Variants in MTA1 observed in about 807,000 individuals in gnomAD.
The protein encoded by MTA1 is metastasis-associated protein MTA1.
A neutral mutation model predicts 97.0 loss-of-function variants in MTA1; 15 were observed. The ratio of observed to expected loss-of-function variants is 0.15; its 90% CI spans 0.10 to 0.24. The LOEUF (loss-of-function observed/expected upper bound fraction) is 0.24, where lower values mean the gene tolerates loss of function less well. MTA1 is among the 10% of genes least tolerant of loss of function. The pLI, the probability that MTA1 is intolerant of heterozygous loss-of-function variation, is 1.00. For synonymous variants in MTA1, 435 were observed against 417.5 expected, an observed-to-expected ratio of 1.04 and a Z score of -0.51; for missense variants, 709 against 1,015.1, an observed-to-expected ratio of 0.70 and a Z score of 4.10.
At position 105,463,362 on chromosome 14, in the gene MTA1, G is replaced by T; in HGVS notation, c.1017+104G>T. On this transcript the variant is annotated intron_variant, in intron 11 of 20. Transcript: ENST00000331320. The surrounding 1 kb of genome is among the most constrained non-coding windows in gnomAD (Gnocchi z 5.9). ...TGCACTGCTGCAGCAGGAGGGGAAG[G>T]AAGACTCCTGAGTCCCTGGCCCGGC... The T allele has an allele frequency of 1.3e-6, 2 of 1,499,048 alleles. No homozygotes were observed. Among genetic ancestry groups the T allele is most frequent in the Non-Finnish European group, 9.3e-7 (1 of 1,080,148 alleles). The allele number at this position is 1,499,048 out of a possible 1,614,324, so 92.9% of individuals were successfully genotyped here. A position where few individuals can be genotyped will look rare whatever the true frequency, so the allele number is the denominator to read the frequency against.
chr14:105,448,227 G>A (rs2082785581), intron 3 of MTA1, among the ~76,000 whole-genome samples: 1 of 152,080 alleles, frequency 6.6e-6, no homozygotes. Context: ...AGGGTCTGAG[G>A]GAGGGTTCAG....
At position 105,451,775 on chromosome 14, in the gene MTA1, C is replaced by CTTTTTTTTTTTTTT. The variant is rs1436886470; in HGVS notation, c.432+1458_432+1459insTTTTTTTTTTTTTT. ...CAGCCCTTCCCCCCTTTTTCTTTTTCTTTTTTTGTTTTTTTTTTTTTTTTT... is the reference window on the plus strand; with the variant it reads ...CAGCCCTTCCCCCCTTTTTCTTTTTCTTTTTTTTTTTTTTTTTTTTTGTTTTTTTTTTTTTTTTT... On this transcript the variant is annotated intron_variant, in intron 6 of 20. Coordinates refer to ENST00000331320, the MANE Select transcript of MTA1 (RefSeq NM_004689.4). Among the ~76,000 whole-genome samples the CTTTTTTTTTTTTTT allele has an allele frequency of 5.1e-5, 6 of 118,266 alleles. 1 individual carries two copies. Among genetic ancestry groups the CTTTTTTTTTTTTTT allele is most frequent in the Admixed American group, 9.7e-5 (1 of 10,274 alleles). The allele number at this position is 118,266 out of a possible 152,430, so 77.6% of individuals were successfully genotyped here.
chr14:105,427,495 A>G (rs2082047918), intron 1 of MTA1, among the ~76,000 whole-genome samples: 1 of 152,226 alleles, frequency 6.6e-6, no homozygotes, highest in Non-Finnish European at 1.5e-5. Context: ...ACGTGAGTTC[A>G]GTGTCGGAGA....
intron 2 of MTA1, among the ~76,000 whole-genome samples, chr14:105,440,573 C>G (rs2082477682): frequency 1.3e-5 from 2 of 152,240 alleles, no homozygotes; most frequent in South Asian, 4.1e-4. Flanking sequence ...TGGCTTCCAG[C>G]CCTTGGGCGA....
chr14:105,455,510 C>T (rs2083111714), intron 7 of MTA1, among the ~76,000 whole-genome samples: 1 of 152,248 alleles, frequency 6.6e-6, no homozygotes, highest in Non-Finnish European at 1.5e-5. Flanking sequence ...GACTCGCCTC[C>T]CTGCTTGCAG....
chr14:105,435,067 C>T (rs2082289663), intron 1 of MTA1, among the ~76,000 whole-genome samples: 1 of 152,168 alleles, frequency 6.6e-6, no homozygotes, highest in African/African-American at 2.4e-5. Flanking sequence ...GCAGAAGCAG[C>T]CCTTTTCTCA....
chr14:105,466,754 A>G lies in MTA1; in HGVS notation c.1813+12A>G, dbSNP rs2141701824. On this transcript the variant is annotated intron_variant, in intron 18 of 20. Coordinates refer to ENST00000331320, the MANE Select transcript of MTA1 (RefSeq NM_004689.4). ...GATGCCCAGTAGGGGTAAGGCCTGG[A>G]GCCGCGGGCGGGCGCTGCGCCGGCC... The G allele has an allele frequency of 6.4e-7, 1 of 1,572,004 alleles. No homozygotes were observed. Among genetic ancestry groups the G allele is most frequent in the Non-Finnish European group, 8.6e-7 (1 of 1,160,326 alleles).
At chr14:105,460,502 T>C in intron 9 of MTA1, 45 bp downstream of exon 9, 3 of 1,527,844 alleles carry the variant, frequency 2.0e-6, no homozygotes, top group Non-Finnish European at 1.8e-6. Context: ...GGGTGGCCCA[T>C]GGCCCAGAGT....
At chr14:105,423,133 A>G (rs1161124659) in intron 1 of MTA1, among the ~76,000 whole-genome samples, 2 of 151,644 alleles carry the variant, frequency 1.3e-5, no homozygotes, top group African/African-American at 4.9e-5. Context: ...TTCAGTGGAC[A>G]GGCCATTACC....
At position 105,420,186 on chromosome 14, in the gene MTA1, CCGG is replaced by C. The variant is rs1262524650; in HGVS notation, c.28+125_28+127del. 3 of 448,388 alleles carry C rather than the reference CCGG, an allele frequency of 6.7e-6. No homozygotes were observed. Among genetic ancestry groups the C allele is most frequent in the African/African-American group, 6.4e-5 (3 of 46,728 alleles). The allele number at this position is 448,388 out of a possible 1,614,324, so 27.8% of individuals were successfully genotyped here. On this transcript the variant is annotated intron_variant, in intron 1 of 20. Coordinates refer to ENST00000331320, the MANE Select transcript of MTA1 (RefSeq NM_004689.4). This position sits in a 1 kb window ranked among gnomAD's most constrained non-coding sequence, Gnocchi z 5.3. ...CGCCCCCCGCCCGCCCTCGCGGCCC[CCGG>C]CTCCTTCCCGAACCGCCCCCCGCCG...
At chr14:105,429,344 G>C (rs1595271479) in intron 1 of MTA1, among the ~76,000 whole-genome samples, 1 of 152,282 alleles carries the variant, frequency 6.6e-6, no homozygotes, top group East Asian at 1.9e-4. Flanking sequence ...GGAGTGCGGT[G>C]GCACGATCTC....
At position 105,470,705 on chromosome 14, in the gene MTA1, A is replaced by G. The variant is rs1345857021; in HGVS notation, c.*490A>G. The stretch of plus-strand genomic sequence containing the variant: ...TATTAAACAAAAACAAAGAAAAAAA[A>G]TCTTATAAAAAGGAAAAAAACCAAC... On this transcript the variant is annotated 3_prime_UTR_variant, in exon 21 of 21. Transcript: ENST00000331320. 6.5e-6 allele frequency: 1 copy of G among 152,924 alleles called. No individual in the cohort carries two copies. The highest frequency in any genetic ancestry group is 2.4e-5 in the African/African-American group (1 of 41,448). The allele number at this position is 152,924 out of a possible 1,614,324, so 9.5% of individuals were successfully genotyped here.
rs1474893737 is a variant in MTA1, at chr14:105,420,204, G to A, written c.28+141G>A. The stretch of plus-strand genomic sequence containing the variant: ...GCGGCCCCCGGCTCCTTCCCGAACC[G>A]CCCCCCGCCGTGCTCACCCCAACCC... On this transcript the variant is annotated intron_variant, in intron 1 of 20. Transcript: ENST00000331320. The surrounding 1 kb of genome is among the most constrained non-coding windows in gnomAD (Gnocchi z 5.3). 4.6e-5 allele frequency: 16 copies of A among 347,572 alleles called. No homozygotes were observed. Among genetic ancestry groups the A allele is most frequent in the Non-Finnish European group, 5.7e-5 (14 of 247,138 alleles). 21.5% of individuals were successfully genotyped at this position (347,572 alleles called of 1,614,324 possible).
At chr14:105,427,436 G>A (rs1228975583) in intron 1 of MTA1, among the ~76,000 whole-genome samples, 1 of 152,236 alleles carries the variant, frequency 6.6e-6, no homozygotes, top group Non-Finnish European at 1.5e-5. Flanking sequence ...ACACAGGCAG[G>A]CTGGGATGGG....
chr14:105,431,574 T>C (rs1190229072), intron 1 of MTA1, among the ~76,000 whole-genome samples: 1 of 152,248 alleles, frequency 6.6e-6, no homozygotes, highest in African/African-American at 2.4e-5. Context: ...CCTATAGTTA[T>C]TCATTCTATT....
chr14:105,466,168 G>A lies in MTA1; in HGVS notation c.1625-258G>A, dbSNP rs1037710349. The A allele has an allele frequency of 6.9e-5, 38 of 546,844 alleles. No individual in the cohort carries two copies. The Admixed American group carries it at 7.0e-4, about 10-fold the overall frequency. The allele number at this position is 546,844 out of a possible 1,614,324, so 33.9% of individuals were successfully genotyped here. A position where few individuals can be genotyped will look rare whatever the true frequency, so the allele number is the denominator to read the frequency against. ...CCCGGGGCTGAGGGGCCTGGCCCCC[G>A]CCAGGTGGTCTCCCTGCTCTCTGGA... On this transcript the variant is annotated intron_variant, in intron 16 of 20. Transcript: ENST00000331320.
At chr14:105,445,239 C>T (rs587641173) in intron 2 of MTA1, among the ~76,000 whole-genome samples, 179 bp from the exon 3 acceptor site, 10 of 152,350 alleles carry the variant, frequency 6.6e-5, no homozygotes, top group South Asian at 2.1e-4. Flanking sequence ...ATAGACGCCA[C>T]GGGCGTCCAG....
chr14:105,428,186 TCCC>T (rs2082069431), intron 1 of MTA1, among the ~76,000 whole-genome samples: 3 of 152,062 alleles, frequency 2.0e-5, no homozygotes, highest in South Asian at 2.1e-4. Flanking sequence ...CCCCCTCTTC[TCCC>T]CCAGCTCCCA....
chr14:105,438,312 G>C (rs149140213), intron 1 of MTA1, among the ~76,000 whole-genome samples: 1 of 152,280 alleles, frequency 6.6e-6, no homozygotes, highest in Non-Finnish European at 1.5e-5. Context: ...CAGTGCTGGA[G>C]CTGGGCTTTG....
Sources: gnomAD v4.1 joint callset for allele counts (sites outside exome capture counted in the v4.1 genomes callset) on GRCh38, gnomAD v4.1.1 for gene constraint, Gnocchi (gnomAD v3.1) non-coding constraint, MANE v1.5 for transcripts, NCBI Gene and HGNC (gene_info 2026-07-23, HGNC 2026-07-21) for gene names.